The following ATRX variants were observed in gnomAD, a reference collection of about 807,000 sequenced individuals.
The protein encoded by ATRX is chromatin remodeler ATRX.
Under a neutral mutation model 172.6 loss-of-function variants are expected in ATRX, and 12 were observed. The observed-to-expected ratio is 0.07, with a 90% CI of 0.04 to 0.11. The LOEUF is 0.11. Ranked by LOEUF, ATRX falls within the 10% of genes least tolerant of loss-of-function variation. ATRX has a pLI of 1.00. For missense variants in ATRX, 1,368 were observed against 1,767.4 expected, an observed-to-expected ratio of 0.77 and a Z score of 4.05; for synonymous variants, 674 against 594.7, an observed-to-expected ratio of 1.13 and a Z score of -1.94.
At chrX:77,724,989 A>G (rs2073962975) in intron 1 of ATRX, among the ~76,000 whole-genome samples, 1 of 112,077 alleles carries the variant, frequency 8.9e-6, no homozygotes, top group African/African-American at 3.2e-5. Context: ...AAGGCAAAAG[A>G]GCACACATTT....
chrX:77,543,242 C>A (rs782738550), intron 30 of ATRX, among the ~76,000 whole-genome samples: 2 of 112,337 alleles, frequency 1.8e-5, no homozygotes, highest in South Asian at 7.4e-4. Flanking sequence ...AAATGCAAAT[C>A]AAAACCACAA....
intron 19 of ATRX, 41 bp downstream of exon 19, chrX:77,633,166 T>C (rs45471991): frequency 8.8e-7 from 1 of 1,135,424 alleles, no homozygotes; most frequent in Non-Finnish European, 1.2e-6. Context: ...ACATTTTTTA[T>C]TCAACTTGCT....
chrX:77,728,885 C>T (rs2074173677), intron 1 of ATRX, among the ~76,000 whole-genome samples: 1 of 107,249 alleles, frequency 9.3e-6, no homozygotes, highest in Non-Finnish European at 1.9e-5. Context: ...CCTCAACCTC[C>T]TGAGTACCTG....
intron 1 of ATRX, among the ~76,000 whole-genome samples, chrX:77,750,662 A>C (rs782278787): frequency 2.7e-5 from 3 of 109,305 alleles, no homozygotes; most frequent in South Asian, 4.0e-4. Context: ...TATTTGTCCT[A>C]ATGCACTCCC....
rs185880111 is a variant in ATRX, at chrX:77,771,521, C to T, written c.20+14461G>A. Among the ~76,000 whole-genome samples, 102 of 110,600 alleles carry T rather than the reference C, an allele frequency of 9.2e-4. 1 individual carries two copies. The highest frequency in any genetic ancestry group is 3.3e-3 in the African/African-American group (101 of 30,398). ...CTCTACCGTATCTCTAGACATAACC[C>T]GTTCCACCACCTAGAATATTTCCCC... On this transcript the variant is annotated intron_variant, in intron 1 of 34. Transcript: ENST00000373344.
intron 28 of ATRX, among the ~76,000 whole-genome samples, chrX:77,560,031 A>G (rs1368485430): frequency 1.8e-5 from 2 of 111,471 alleles, no homozygotes; most frequent in East Asian, 5.7e-4. Context: ...GTAAATTACT[A>G]CCTTACACTT....
At chrX:77,685,360 A>G (rs1557143308) in intron 7 of ATRX, among the ~76,000 whole-genome samples, 1 of 112,579 alleles carries the variant, frequency 8.9e-6, no homozygotes, top group East Asian at 2.8e-4. Flanking sequence ...AAATAATCCA[A>G]TCAAAAAATG....
chrX:77,703,289 G>C (rs2072634498), intron 2 of ATRX, among the ~76,000 whole-genome samples: 1 of 112,997 alleles, frequency 8.8e-6, no homozygotes, highest in African/African-American at 3.2e-5. Context: ...CATGCTACTG[G>C]CCTGTGTCCT....
At chrX:77,677,053 C>T (rs782303676) in intron 9 of ATRX, among the ~76,000 whole-genome samples, 2 of 107,052 alleles carry the variant, frequency 1.9e-5, no homozygotes, top group East Asian at 2.9e-4. Flanking sequence ...ACCTGGGAGG[C>T]GGAGGTTTCA....
chrX:77,658,540 T>A (rs1196220589), intron 12 of ATRX, among the ~76,000 whole-genome samples: 7 of 112,264 alleles, frequency 6.2e-5, no homozygotes, highest in African/African-American at 2.3e-4. Flanking sequence ...GATCTATAGT[T>A]TACTTCAGAG....
At chrX:77,657,905 G>A (rs2069638393) in intron 12 of ATRX, among the ~76,000 whole-genome samples, 1 of 112,035 alleles carries the variant, frequency 8.9e-6, no homozygotes, top group Non-Finnish European at 1.9e-5. Flanking sequence ...AGTTAACCGT[G>A]AGAGTAATAA....
chrX:77,646,968 C>T (rs1451995483), intron 15 of ATRX, among the ~76,000 whole-genome samples: 4 of 108,784 alleles, frequency 3.7e-5, no homozygotes, highest in Non-Finnish European at 3.8e-5. Context: ...ATAAAGAACA[C>T]TCCACTCAAC....
chrX:77,541,111 C>G (rs182602895), intron 30 of ATRX, among the ~76,000 whole-genome samples: 2 of 111,259 alleles, frequency 1.8e-5, no homozygotes, highest in East Asian at 2.8e-4. Context: ...ATCAAATAGA[C>G]GCAATAAAAA....
intron 22 of ATRX, among the ~76,000 whole-genome samples, chrX:77,611,809 T>C (rs1390178432): frequency 1.8e-5 from 2 of 111,976 alleles, no homozygotes; most frequent in Non-Finnish European, 3.8e-5. Flanking sequence ...TTTGAAGTGA[T>C]AGTTATGCTA....
intron 14 of ATRX, 41 bp downstream of exon 14, chrX:77,654,057 T>C: frequency 9.5e-7 from 1 of 1,057,092 alleles, no homozygotes; most frequent in Non-Finnish European, 1.3e-6. Context: ...TAGTCTACTG[T>C]ACTGGTTATA....
rs2148451575 is a variant in ATRX, at chrX:77,654,187, C to T, written c.4228G>A (p.Ala1410Thr). Reference sequence around the variant, plus strand: ...CTCCGCTGATTTTCTTCCAACTCTGCTTTCTTTGCAGACCTGACGAAAATT... The same window carrying T: ...CTCCGCTGATTTTCTTCCAACTCTGTTTTCTTTGCAGACCTGACGAAAATT... The part of the protein sequence containing the change: ...QRPRTRSAKK[A>T]ELEENQRSYK... Residue 1410 changes from alanine to threonine, a missense_variant, in exon 14 of 35, where the codon GCA becomes ACA. By Grantham distance (58) the Ala-to-Thr change is moderately conservative. Transcript: ENST00000373344. 1 of 1,208,493 alleles carries T rather than the reference C, an allele frequency of 8.3e-7. No homozygotes were observed. Among genetic ancestry groups the T allele is most frequent in the Non-Finnish European group, 1.1e-6 (1 of 893,035 alleles).
intron 27 of ATRX, among the ~76,000 whole-genome samples, chrX:77,586,783 G>C (rs782155477): frequency 4.2e-4 from 47 of 111,774 alleles, no homozygotes; most frequent in African/African-American, 1.4e-3. Context: ...ATTAGGCCAG[G>C]TGTGGTAGCT....
intron 30 of ATRX, among the ~76,000 whole-genome samples, chrX:77,539,981 G>A (rs782355018): frequency 1.4e-4 from 16 of 111,692 alleles, no homozygotes; most frequent in Non-Finnish European, 3.0e-4. Flanking sequence ...AACCTTAAAT[G>A]TAAATGGGCT....
chrX:77,580,769 A>G (rs1454396272), intron 27 of ATRX, among the ~76,000 whole-genome samples: 2 of 111,895 alleles, frequency 1.8e-5, no homozygotes, highest in African/African-American at 3.2e-5. Flanking sequence ...ACAGAATATT[A>G]TAACAGCGTA....
Sources: gnomAD v4.1 joint callset for allele counts (sites outside exome capture counted in the v4.1 genomes callset) on GRCh38, gnomAD v4.1.1 for gene constraint, MANE v1.5 for transcripts, NCBI Gene and HGNC (gene_info 2026-07-23, HGNC 2026-07-21) for gene names.